UMAD1: variants seen among roughly 807,000 people sequenced by gnomAD.
UMAD1 encodes the protein UBAP1-MVB12-associated (UMA)-domain containing protein 1.
UMAD1 carries 8 observed loss-of-function variants against 6.1 expected under a neutral mutation model. That is an observed-to-expected ratio of 1.30 (90% CI 0.76 to 2.35). UMAD1 has a LOEUF of 2.35. Among genes scored for constraint, UMAD1 ranks in the 30% most tolerant of loss-of-function variants. The pLI, the probability that UMAD1 is intolerant of heterozygous loss-of-function variation, is 0.00. For synonymous variants in UMAD1, 56 were observed against 31.4 expected (o/e 1.78, Z -2.61); for missense variants, 130 against 78.4 (o/e 1.66, Z -2.49).
intron 2 of UMAD1, among the ~76,000 whole-genome samples, chr7:7,756,615 G>A (rs947931779): frequency 6.6e-6 from 1 of 152,044 alleles, no homozygotes; most frequent in African/African-American, 2.4e-5. Flanking sequence ...GGTCACTATT[G>A]TCTCCCACAT....
chr7:7,794,888 C>T (rs1782642963), intron 2 of UMAD1, among the ~76,000 whole-genome samples: 1 of 152,150 alleles, frequency 6.6e-6, no homozygotes, highest in Non-Finnish European at 1.5e-5. Flanking sequence ...AGGATATTCT[C>T]TATAGGGCTG....
At chr7:7,738,802 T>A (rs1296441681) in intron 2 of UMAD1, 1 of 152,236 alleles carries the variant, frequency 6.6e-6, no homozygotes, top group African/African-American at 2.4e-5. Context: ...TGCCAGTGTT[T>A]CTTTTACAGC....
chr7:7,685,549 C>T (rs530810159), intron 2 of UMAD1, among the ~76,000 whole-genome samples: 3 of 152,156 alleles, frequency 2.0e-5, no homozygotes, highest in African/African-American at 4.8e-5. Flanking sequence ...CCTCGTGATC[C>T]GCCCGCCCCT....
intron 3 of UMAD1, among the ~76,000 whole-genome samples, chr7:7,872,771 T>A (rs1241384122): frequency 6.6e-6 from 1 of 152,230 alleles, no homozygotes; most frequent in Non-Finnish European, 1.5e-5. Flanking sequence ...TCAGGAATGC[T>A]TTTGTTTAAA....
intron 3 of UMAD1, among the ~76,000 whole-genome samples, chr7:7,867,654 G>A (rs1784258082): frequency 6.6e-6 from 1 of 152,102 alleles, no homozygotes; most frequent in Admixed American, 6.5e-5. Context: ...CAGGCAGGAG[G>A]CAGGTTGCAG....
At chr7:7,800,710 C>A (rs764314510) in intron 2 of UMAD1, among the ~76,000 whole-genome samples, 30 of 152,144 alleles carry the variant, frequency 2.0e-4, no homozygotes, top group Non-Finnish European at 4.0e-4. Flanking sequence ...GTAAACTAAA[C>A]TTTTGTGTTG....
intron 1 of UMAD1, among the ~76,000 whole-genome samples, chr7:7,659,267 A>G (rs1174882897): frequency 1.3e-5 from 2 of 151,964 alleles, no homozygotes; most frequent in African/African-American, 2.4e-5. Context: ...TCCTGGATTC[A>G]TTGATTTTTC....
At position 7,875,404 on chromosome 7, in the gene UMAD1, T is replaced by C. The variant is rs113647077; in HGVS notation, c.157-1877T>C. 3.2e-3 allele frequency among the ~76,000 whole-genome samples: 490 copies of C among 152,256 alleles called. 6 individuals carry two copies. The highest frequency in any genetic ancestry group is 0.011 in the African/African-American group (438 of 41,540). On this transcript the variant is annotated intron_variant, in intron 3 of 3. Coordinates refer to ENST00000682710, the MANE Select transcript of UMAD1 (RefSeq NM_001302348.2). ...CAAAAAAATCAATGAATCCAGGAGC[T>C]GGTTTTTTGAAAGATTAACAAAATA...
chr7:7,787,608 A>G (rs1782485080), intron 2 of UMAD1, among the ~76,000 whole-genome samples: 1 of 152,180 alleles, frequency 6.6e-6, no homozygotes, highest in South Asian at 2.1e-4. Flanking sequence ...TGCAGAACCC[A>G]GTAAAATCTC....
At chr7:7,838,746 A>G (rs563935956) in intron 3 of UMAD1, among the ~76,000 whole-genome samples, 1 of 152,274 alleles carries the variant, frequency 6.6e-6, no homozygotes, top group East Asian at 1.9e-4. Flanking sequence ...CAAATGAAAT[A>G]CTCTTAAGGA....
At chr7:7,743,820 G>A (rs1001121932) in intron 2 of UMAD1, among the ~76,000 whole-genome samples, 1 of 151,718 alleles carries the variant, frequency 6.6e-6, no homozygotes, top group Non-Finnish European at 1.5e-5. Context: ...CAATTTAGTA[G>A]CGTTAATTAT....
At chr7:7,833,384 G>A (rs188093340) in intron 3 of UMAD1, among the ~76,000 whole-genome samples, 7 of 152,200 alleles carry the variant, frequency 4.6e-5, no homozygotes, top group Admixed American at 4.6e-4. Flanking sequence ...CTTGATATCG[G>A]CAACTATCCT....
rs1419535149 is a variant in UMAD1 at position 7,714,847 on chromosome 7, A to ATT, written c.82+41398_82+41399dup. ...TTCCTCATGAACTGGTTGTTCAAAA[A>ATT]TTTTTCTTTTTTTTTTTTTTTTTTT... On this transcript the variant is annotated intron_variant, in intron 2 of 3. Coordinates refer to ENST00000682710, the MANE Select transcript of UMAD1 (RefSeq NM_001302348.2). Among the ~76,000 whole-genome samples, 3 of 145,268 alleles carry ATT rather than the reference A, an allele frequency of 2.1e-5. 1 individual carries two copies. The highest frequency in any genetic ancestry group is 7.7e-5 in the African/African-American group (3 of 39,180).
intron 3 of UMAD1, among the ~76,000 whole-genome samples, chr7:7,851,292 T>A (rs920746254): frequency 6.6e-6 from 1 of 152,212 alleles, no homozygotes; most frequent in African/African-American, 2.4e-5. Context: ...CCACATTTTG[T>A]TTATCTATTC....
At chr7:7,845,079 T>G (rs774389903) in intron 3 of UMAD1, among the ~76,000 whole-genome samples, 1 of 152,104 alleles carries the variant, frequency 6.6e-6, no homozygotes, top group Non-Finnish European at 1.5e-5. Context: ...ATTGAACATT[T>G]GTAATGTGGG....
chr7:7,713,671 G>A (rs562425620), intron 2 of UMAD1, among the ~76,000 whole-genome samples: 1 of 151,924 alleles, frequency 6.6e-6, no homozygotes, highest in East Asian at 1.9e-4. Context: ...TAAGTTGGTT[G>A]TTTGTCCTTG....
chr7:7,876,148 A>G (rs73043323), intron 3 of UMAD1, among the ~76,000 whole-genome samples: 71,718 of 152,108 alleles, frequency 0.47, 17,776 homozygotes, highest in Non-Finnish European at 0.55. Context: ...TTGGAAGGAG[A>G]TAAGGGAAGT....
At chr7:7,835,279 A>T (rs762264311) in intron 3 of UMAD1, among the ~76,000 whole-genome samples, 5 of 151,790 alleles carry the variant, frequency 3.3e-5, no homozygotes, top group Non-Finnish European at 7.4e-5. Flanking sequence ...TTGTGACTTA[A>T]ATTCCATTAT....
intron 3 of UMAD1, among the ~76,000 whole-genome samples, chr7:7,840,313 C>T (rs1327928881): frequency 1.3e-5 from 2 of 152,052 alleles, no homozygotes; most frequent in Admixed American, 6.5e-5. Context: ...TGTATATGCT[C>T]GTGGTCTTCA....
Sources: allele counts gnomAD v4.1 joint callset (sites outside exome capture counted in the v4.1 genomes callset), GRCh38; gene constraint gnomAD v4.1.1; transcripts MANE v1.5; gene names NCBI Gene and HGNC (gene_info 2026-07-23, HGNC 2026-07-21).